Variants in EXOSC9 observed in about 807,000 individuals in gnomAD.
EXOSC9 encodes the protein exosome complex component RRP45.
Under a neutral mutation model 56.5 loss-of-function variants are expected in EXOSC9, and 38 were observed. The observed-to-expected ratio is 0.67, with a 90% confidence interval of 0.52 to 0.88. The LOEUF (loss-of-function observed/expected upper bound fraction) is 0.88, where lower values mean the gene tolerates loss of function less well. Among genes scored for constraint, EXOSC9 ranks in the 40% least tolerant of loss-of-function variants. The probability of loss-of-function intolerance (pLI) is 0.00; values close to 1 mark genes in which losing one functional copy is unlikely to be tolerated. For missense variants in EXOSC9, 559 were observed against 530.5 expected (o/e 1.05, Z -0.53); for synonymous variants, 170 against 170.8 (o/e 0.99, Z 0.04).
rs1726959190 is a variant in EXOSC9 at position 121,804,379 on chromosome 4, G to A, written c.385-243G>A. The A allele has an allele frequency of 1.0e-5, 3 of 299,792 alleles. No homozygotes were observed. The South Asian group carries it at 2.9e-4, about 29-fold the overall frequency. 18.6% of individuals were successfully genotyped at this position (299,792 alleles called of 1,614,324 possible). A position where few individuals can be genotyped will look rare whatever the true frequency, so the allele number is the denominator to read the frequency against. On this transcript the variant is annotated intron_variant, in intron 4 of 11. Coordinates refer to ENST00000243498, the MANE Select transcript of EXOSC9 (RefSeq NM_005033.3). ...TAGATTTGAGGTTAGGAAAATCGTA[G>A]TATTAAATGTTAGAGTGGTTCTGTT...
At chr4:121,812,267 A>G (rs987677642) in intron 8 of EXOSC9, among the ~76,000 whole-genome samples, 2 of 152,200 alleles carry the variant, frequency 1.3e-5, no homozygotes, top group African/African-American at 4.8e-5. Flanking sequence ...AGACTCCAAG[A>G]TACAACACAG....
chr4:121,806,771 T>C (rs1006101830), intron 5 of EXOSC9, among the ~76,000 whole-genome samples: 3 of 152,086 alleles, frequency 2.0e-5, no homozygotes, highest in Admixed American at 6.5e-5. Context: ...TTTTTTTTTT[T>C]CCATTTATAT....
intron 7 of EXOSC9, among the ~76,000 whole-genome samples, chr4:121,811,165 G>A (rs750766868): frequency 3.9e-5 from 6 of 152,156 alleles, no homozygotes; most frequent in Non-Finnish European, 8.8e-5. Context: ...ACACCTTGTT[G>A]TTATAAGGAT....
chr4:121,810,047 G>A lies in EXOSC9; in HGVS notation c.686G>A (p.Arg229Gln), dbSNP rs762824242. The A allele has an allele frequency of 1.9e-5, 31 of 1,613,270 alleles. No homozygotes were observed. Among genetic ancestry groups the A allele is most frequent in the Non-Finnish European group, 2.4e-5 (28 of 1,179,366 alleles). ...GLLVIAMNKH[R>Q]EICTIQSSGG... ...CTGGTGATTGCCATGAACAAACATCGAGAGATTTGTACTATCCAGTCCAGT... is the reference window on the plus strand; with the variant it reads ...CTGGTGATTGCCATGAACAAACATCAAGAGATTTGTACTATCCAGTCCAGT... Residue 229 changes from arginine to glutamine, a missense_variant, in exon 7 of 12, where the codon CGA becomes CAA. Transcript: ENST00000243498.
chr4:121,802,072 G>C, intron 2 of EXOSC9, 151 bp downstream of exon 2: 1 of 624,114 alleles, frequency 1.6e-6, no homozygotes, highest in Non-Finnish European at 2.8e-6. Flanking sequence ...GAGATTTTTT[G>C]CTTTTGTGGT....
chr4:121,804,850 G>A, intron 5 of EXOSC9, 91 bp downstream of exon 5: 1 of 1,111,458 alleles, frequency 9.0e-7, no homozygotes, highest in Non-Finnish European at 1.2e-6. Context: ...AAGTTATGTT[G>A]TAGATGGCAA....
rs749136552 is a variant in EXOSC9 at position 121,804,725 on chromosome 4, C to G, written c.488C>G (p.Pro163Arg). ...GTGGCCTTATGTCATTTCCGAAGAC[C>G]TGATGTCTCTGTCCAAGGAGATGAA... is the stretch of plus-strand genomic sequence containing the variant. ...AIVALCHFRR[P>R]DVSVQGDEVT... The change falls in exon 5 of 12, where the codon CCT becomes CGT. Residue 163 changes from proline to arginine, a missense_variant. Coordinates refer to ENST00000243498, the MANE Select transcript of EXOSC9 (RefSeq NM_005033.3). 105 of 1,612,686 alleles carry G rather than the reference C, an allele frequency of 6.5e-5. No homozygotes were observed. Among genetic ancestry groups the G allele is most frequent in the Non-Finnish European group, 8.9e-5 (105 of 1,179,136 alleles).
intron 5 of EXOSC9, among the ~76,000 whole-genome samples, chr4:121,804,973 C>A (rs1046757727): frequency 2.0e-5 from 3 of 152,174 alleles, no homozygotes; most frequent in Admixed American, 2.0e-4. Flanking sequence ...AGAACATACC[C>A]TAGCCTGGTT....
intron 4 of EXOSC9, among the ~76,000 whole-genome samples, chr4:121,803,690 C>T (rs1726937611): frequency 6.6e-6 from 1 of 152,146 alleles, no homozygotes; most frequent in Admixed American, 6.5e-5. Flanking sequence ...CCGGCGCCTG[C>T]CACCACGCCC....
At chr4:121,816,189 C>G (rs1290974600) in intron 10 of EXOSC9, 180 bp from the exon 11 acceptor site, 3 of 647,980 alleles carry the variant, frequency 4.6e-6, no homozygotes, top group African/African-American at 3.8e-5. Flanking sequence ...GAGTTCCTGA[C>G]CTCAGGTAAT....
intron 10 of EXOSC9, chr4:121,815,326 T>C (rs1396324259): frequency 2.1e-6 from 2 of 966,932 alleles, no homozygotes; most frequent in Non-Finnish European, 2.5e-6. Flanking sequence ...TGCACTTGCA[T>C]ATACCTCTTA....
chr4:121,802,937 T>G lies in EXOSC9; in HGVS notation c.304T>G (p.Leu102Val). Residue 102 changes from leucine (L) to valine (V), a missense_variant, in exon 4 of 12, where the codon TTG becomes GTG. Transcript: ENST00000243498. Reference sequence around the variant, plus strand: ...TAGGCAGTCAGATCTCTTGGTGAAGTTGAATCGACTCATGGAAAGATGTCT... The same window carrying G: ...TAGGCAGTCAGATCTCTTGGTGAAGGTGAATCGACTCATGGAAAGATGTCT... ...PGRQSDLLVK[L>V]NRLMERCLRN... 2 of 1,614,054 alleles carry G rather than the reference T, an allele frequency of 1.2e-6. No homozygotes were observed. Among genetic ancestry groups the G allele is most frequent in the South Asian group, 2.2e-5 (2 of 91,076 alleles).
At position 121,801,438 on chromosome 4, in the gene EXOSC9, C is replaced by T; in HGVS notation, c.14C>T (p.Pro5Leu). 6.2e-7 allele frequency: 1 copy of T among 1,614,172 alleles called. No individual in the cohort carries two copies. Among genetic ancestry groups the T allele is most frequent in the Middle Eastern group, 1.6e-4 (1 of 6,062 alleles). ...TGACCCAACACCATGAAGGAAACGCCACTCTCAAACTGCGAACGCCGCTTC... is the reference window on the plus strand; with the variant it reads ...TGACCCAACACCATGAAGGAAACGCTACTCTCAAACTGCGAACGCCGCTTC... MKET[P>L]LSNCERRFLL... The change falls in exon 1 of 12, where the codon CCA becomes CTA. Residue 5 changes from proline (P) to leucine (L), a missense_variant. Transcript: ENST00000243498.
chr4:121,813,288 A>C lies in EXOSC9; in HGVS notation c.882A>C (p.Thr294=). Residue 294 remains threonine, a synonymous_variant, in exon 9 of 12, where the codon ACA becomes ACC. Coordinates refer to ENST00000243498, the MANE Select transcript of EXOSC9 (RefSeq NM_005033.3). Reference sequence around the variant, plus strand: ...AGTCTATAGCAAATCAAAGGATCACAGCATTTAAAATGGAAAAGGCCCCTA... The same window carrying C: ...AGTCTATAGCAAATCAAAGGATCACCGCATTTAAAATGGAAAAGGCCCCTA... ...FAESIANQRI[T]AFKMEKAPID... 4 of 1,614,010 alleles carry C rather than the reference A, an allele frequency of 2.5e-6. No individual in the cohort carries two copies. Among genetic ancestry groups the C allele is most frequent in the Non-Finnish European group, 3.4e-6 (4 of 1,179,878 alleles).
intron 4 of EXOSC9, among the ~76,000 whole-genome samples, chr4:121,804,028 G>T (rs1726946082): frequency 6.6e-6 from 1 of 151,826 alleles, no homozygotes; most frequent in East Asian, 1.9e-4. Flanking sequence ...TGAGGGACAG[G>T]GTGACACTCT....
intron 10 of EXOSC9, chr4:121,814,519 CTG>C (rs1724404753): frequency 6.6e-6 from 1 of 152,098 alleles, no homozygotes; most frequent in African/African-American, 2.4e-5. Flanking sequence ...AGTTTCTAGA[CTG>C]AAACAAAAAG....
chr4:121,803,855 G>T (rs1372172967), intron 4 of EXOSC9, among the ~76,000 whole-genome samples: 1 of 151,980 alleles, frequency 6.6e-6, no homozygotes, highest in Non-Finnish European at 1.5e-5. Flanking sequence ...CTTGATTAGG[G>T]TATTTTGACA....
intron 10 of EXOSC9, chr4:121,815,689 A>C (rs1270222031): frequency 1.0e-6 from 1 of 985,860 alleles, no homozygotes; most frequent in Non-Finnish European, 1.2e-6. Context: ...AGTATTAAAA[A>C]CACCAGCAAT....
chr4:121,805,311 C>G (rs1338359275), intron 5 of EXOSC9, among the ~76,000 whole-genome samples: 1 of 152,252 alleles, frequency 6.6e-6, no homozygotes, highest in Non-Finnish European at 1.5e-5. Flanking sequence ...TTAGGTAATA[C>G]TGATGTTGCT....
Sources: allele counts gnomAD v4.1 joint callset (sites outside exome capture counted in the v4.1 genomes callset), GRCh38; gene constraint gnomAD v4.1.1; transcripts MANE v1.5; gene names NCBI Gene and HGNC (gene_info 2026-07-23, HGNC 2026-07-21).